The following LDLRAP1 variants were observed in gnomAD, a reference collection of about 807,000 sequenced individuals.
LDLRAP1 encodes the protein low density lipoprotein receptor adaptor protein 1.
A neutral mutation model predicts 37.8 loss-of-function variants in LDLRAP1; 30 were observed. The observed-to-expected ratio is 0.79, with a 90% CI of 0.59 to 1.08. The LOEUF is 1.08. Among genes scored for constraint, LDLRAP1 ranks in the 50% least tolerant of loss-of-function variants. LDLRAP1 has a pLI of 0.00. For missense variants in LDLRAP1, 375 were observed against 401.6 expected (o/e 0.93, Z 0.57); for synonymous variants, 156 against 169.8 (o/e 0.92, Z 0.63).
Position 25,554,767 on chromosome 1 carries a change from C to A in LDLRAP1, c.232-93C>A. The A allele has an allele frequency of 1.0e-6, 1 of 991,344 alleles. No individual in the cohort carries two copies. The highest frequency in any genetic ancestry group is 1.4e-5 in the South Asian group (1 of 73,434). 61.4% of individuals were successfully genotyped at this position (991,344 alleles called of 1,614,324 possible). ...CAGTCACCTGAGCTGAGATGGGCCC[C>A]GTGCCTGGGGCTTAGGAACAGTGAA... On this transcript the variant is annotated intron_variant, in intron 2 of 8. Transcript: ENST00000374338. This position sits in a 1 kb window ranked among gnomAD's most constrained non-coding sequence, Gnocchi z 5.4.
chr1:25,584,598 G>C, the LDLRAP1 span, among the ~76,000 whole-genome samples: 1 of 152,096 alleles, frequency 6.6e-6, no homozygotes, highest in African/African-American at 2.4e-5. Flanking sequence ...CTCCCACTGG[G>C]CTTGGTTGAG....
At chr1:25,572,061 G>C (rs1434105535), downstream of LDLRAP1, among the ~76,000 whole-genome samples, 1 of 152,224 alleles carries the variant, frequency 6.6e-6, no homozygotes, top group East Asian at 1.9e-4. Flanking sequence ...GCCAGGTCAG[G>C]CTCTTAGAAG....
At chr1:25,584,514 G>A in the LDLRAP1 span, among the ~76,000 whole-genome samples, 2 of 152,172 alleles carry the variant, frequency 1.3e-5, no homozygotes. Flanking sequence ...AGGTCCCCAG[G>A]AGGGAGATGC....
At chr1:25,545,530 CT>C (rs1394914583) in intron 1 of LDLRAP1, among the ~76,000 whole-genome samples, 1 of 152,140 alleles carries the variant, frequency 6.6e-6, no homozygotes, top group Non-Finnish European at 1.5e-5. Context: ...CCTCTTCCCC[CT>C]GCCTATCCTT....
At chr1:25,583,366 C>CT in the LDLRAP1 span, among the ~76,000 whole-genome samples, 1 of 151,462 alleles carries the variant, frequency 6.6e-6, no homozygotes, top group Non-Finnish European at 1.5e-5. Context: ...ATTTTTTATA[C>CT]TTTTTTAGTA....
rs1304543205 is a variant in LDLRAP1, at chr1:25,562,690, T to C, written c.506T>C (p.Phe169Ser). ...LTVAQAFKVAFEFWQVSKEEK... is the reference protein window; with the variant it reads ...LTVAQAFKVASEFWQVSKEEK... The stretch of plus-strand genomic sequence containing the variant: ...GTAGCCCAGGCCTTCAAAGTCGCCT[T>C]TGAGTTTTGGCAGGTGTCCAAGGAA... Residue 169 changes from phenylalanine (F) to serine (S), a missense_variant, in exon 5 of 9, where the codon TTT becomes TCT. By Grantham distance (155) the Phe-to-Ser change is radical. Transcript: ENST00000374338. The C allele has an allele frequency of 6.2e-7, 1 of 1,613,938 alleles. No homozygotes were observed. Among genetic ancestry groups the C allele is most frequent in the African/African-American group, 1.3e-5 (1 of 74,900 alleles).
At position 25,543,764 on chromosome 1, in the gene LDLRAP1, G is replaced by C. The variant is rs532723373; in HGVS notation, c.66G>C (p.Trp22Cys). The C allele has an allele frequency of 2.1e-5, 25 of 1,209,724 alleles. No homozygotes were observed. The highest frequency in any genetic ancestry group is 3.2e-5 in the African/African-American group (2 of 63,430). 74.9% of individuals were successfully genotyped at this position (1,209,724 alleles called of 1,614,324 possible). A position where few individuals can be genotyped will look rare whatever the true frequency, so the allele number is the denominator to read the frequency against. Residue 22 changes from tryptophan (W) to cysteine (C), a missense_variant, in exon 1 of 9, where the codon TGG (tryptophan) becomes TGC (cysteine). Trp to Cys is a radical substitution (Grantham distance 215). Transcript: ENST00000374338. ...GCCCCAGCTTGGCCAAGCAGAGCTG[G>C]GGGGGCGGTGGCCGGCACCGCAGTG... ...IRSPSLAKQS[W>C]GGGGRHRKLP... is the part of the protein sequence containing the mutation.
the LDLRAP1 span, among the ~76,000 whole-genome samples, chr1:25,579,251 C>T: frequency 6.6e-6 from 1 of 152,200 alleles, no homozygotes; most frequent in African/African-American, 2.4e-5. Flanking sequence ...CTGAGAACAG[C>T]AGAGCTGGGA....
chr1:25,589,668 C>T, the LDLRAP1 span, among the ~76,000 whole-genome samples: 1 of 152,240 alleles, frequency 6.6e-6, no homozygotes, highest in South Asian at 2.1e-4. Context: ...CTCCCGCCCT[C>T]CAGCACTGAA....
At position 25,553,943 on chromosome 1, in the gene LDLRAP1, A is replaced by G. The variant is rs1373661366; in HGVS notation, c.110A>G (p.Asp37Gly). The change falls in exon 2 of 9, where the codon GAC becomes GGC. Residue 37 changes from aspartate (D) to glycine (G), a missense_variant. Asp to Gly is a moderately conservative substitution (Grantham distance 94). Transcript: ENST00000374338. ...RHRKLPENWT[D>G]TRETLLEGML... is the part of the protein sequence containing the mutation. ...CCAGAGCTGCCTGAGAACTGGACAG[A>G]CACGCGGGAGACGCTGCTGGAGGGG... 1.9e-6 allele frequency: 3 copies of G among 1,613,948 alleles called. No homozygotes were observed. In the African/African-American group the frequency reaches 4.0e-5, roughly 22 times the overall value.
At position 25,544,613 on chromosome 1, in the gene LDLRAP1, T is replaced by C. The variant is rs896762036; in HGVS notation, c.88+827T>C. 9.2e-5 allele frequency among the ~76,000 whole-genome samples: 14 copies of C among 152,050 alleles called. 1 individual carries two copies. The highest frequency in any genetic ancestry group is 2.4e-4 in the African/African-American group (10 of 41,486). ...GCCTCCCCCCCTTTCTCTCCCCCAG[T>C]CTCTGATTACGCTCAGGGAACTTGT... On this transcript the variant is annotated intron_variant, in intron 1 of 8. Coordinates refer to ENST00000374338, the MANE Select transcript of LDLRAP1 (RefSeq NM_015627.3). The surrounding 1 kb of genome is among the most constrained non-coding windows in gnomAD (Gnocchi z 4.8).
intron 8 of LDLRAP1, 22 bp from the exon 9 acceptor site, chr1:25,566,826 C>T (rs756163512): frequency 1.2e-6 from 2 of 1,600,872 alleles, no homozygotes; most frequent in East Asian, 2.3e-5. Context: ...AGGCTCTCGG[C>T]TCACACAGCT....
the LDLRAP1 span, among the ~76,000 whole-genome samples, chr1:25,578,081 A>G: frequency 6.6e-6 from 1 of 152,144 alleles, no homozygotes; most frequent in Non-Finnish European, 1.5e-5. Flanking sequence ...TCCCTGAAAA[A>G]GACAGTTTTG....
intron 8 of LDLRAP1, among the ~76,000 whole-genome samples, chr1:25,565,980 T>C (rs1443413882): frequency 2.0e-5 from 3 of 152,130 alleles, no homozygotes; most frequent in Admixed American, 1.3e-4. Flanking sequence ...CTTGCCTCCT[T>C]CTTGCCAGGG....
intron 1 of LDLRAP1, among the ~76,000 whole-genome samples, chr1:25,546,705 A>C (rs2043941825): frequency 6.6e-6 from 1 of 152,186 alleles, no homozygotes; most frequent in Non-Finnish European, 1.5e-5. Context: ...GGTTCCAGTA[A>C]AGCTAGTTCA....
Position 25,555,182 on chromosome 1 carries a change from G to C in LDLRAP1, c.344+210G>C, listed in dbSNP as rs925396711. Among the ~76,000 whole-genome samples the C allele has an allele frequency of 2.0e-5, 3 of 152,330 alleles. No homozygotes were observed. In the East Asian group the frequency reaches 5.8e-4, roughly 29 times the overall value. ...GGCACCTGGCTCATGATGAGCATTT[G>C]GTTAAGTGGCAGCTGCTGCTGTCAT... On this transcript the variant is annotated intron_variant, in intron 3 of 8. Transcript: ENST00000374338. This position sits in a 1 kb window ranked among gnomAD's most constrained non-coding sequence, Gnocchi z 4.7.
intron 1 of LDLRAP1, among the ~76,000 whole-genome samples, chr1:25,547,943 G>A (rs1202522859): frequency 1.3e-5 from 2 of 152,230 alleles, no homozygotes; most frequent in African/African-American, 4.8e-5. Flanking sequence ...TGGGGGCTGT[G>A]TGAGGGGCAT....
the LDLRAP1 span, among the ~76,000 whole-genome samples, chr1:25,589,609 G>A: frequency 3.9e-5 from 6 of 152,196 alleles, no homozygotes; most frequent in Non-Finnish European, 7.4e-5. Context: ...AATGCTGGAG[G>A]AGGGGTAAAT....
chr1:25,582,545 A>G, the LDLRAP1 span, among the ~76,000 whole-genome samples: 1 of 151,380 alleles, frequency 6.6e-6, no homozygotes, highest in Non-Finnish European at 1.5e-5. Flanking sequence ...AGATCGTGCC[A>G]CTGCACTCCA....
Sources: gnomAD v4.1 joint callset for allele counts (sites outside exome capture counted in the v4.1 genomes callset) on GRCh38, gnomAD v4.1.1 for gene constraint, Gnocchi (gnomAD v3.1) non-coding constraint, MANE v1.5 for transcripts, NCBI Gene and HGNC (gene_info 2026-07-23, HGNC 2026-07-21) for gene names.